Variants in DIAPH2 observed in about 807,000 individuals in gnomAD.
The protein encoded by DIAPH2 is protein diaphanous homolog 2.
In DIAPH2, 35 loss-of-function variants were observed where a neutral mutation model predicts 92.7. That is an observed-to-expected ratio of 0.38 (90% CI 0.29 to 0.50). The LOEUF (loss-of-function observed/expected upper bound fraction) is 0.50. DIAPH2 is among the 20% of genes least tolerant of loss of function. DIAPH2 has a pLI of 0.94. For missense variants in DIAPH2, 701 were observed against 819.5 expected (o/e 0.86, Z 1.77); for synonymous variants, 301 against 280.4 (o/e 1.07, Z -0.73).
intron 4 of DIAPH2, among the ~76,000 whole-genome samples, chrX:96,780,837 C>T (rs773877404): frequency 9.6e-5 from 9 of 93,531 alleles, no homozygotes; most frequent in East Asian, 3.5e-4. Flanking sequence ...GATGAAGTCT[C>T]GCTTTGCACC....
chrX:96,874,513 T>C (rs1010441604), intron 4 of DIAPH2, among the ~76,000 whole-genome samples: 1 of 112,189 alleles, frequency 8.9e-6, no homozygotes, highest in Admixed American at 9.5e-5. Context: ...ACATTATTGA[T>C]ATGAAAAAGA....
intron 22 of DIAPH2, among the ~76,000 whole-genome samples, chrX:97,196,486 C>T (rs6620239): frequency 0.071 from 7,818 of 110,826 alleles, 596 homozygotes; most frequent in African/African-American, 0.22. Context: ...AAACTAATAA[C>T]GGGATTTGTC....
chrX:96,761,392 T>C (rs1381086203), intron 4 of DIAPH2, among the ~76,000 whole-genome samples: 1 of 109,963 alleles, frequency 9.1e-6, no homozygotes, highest in East Asian at 2.8e-4. Flanking sequence ...ATAGTGGTGC[T>C]AGCTACATCT....
intron 17 of DIAPH2, among the ~76,000 whole-genome samples, chrX:97,001,440 C>T (rs943881303): frequency 9.9e-5 from 11 of 111,262 alleles, no homozygotes; most frequent in African/African-American, 3.3e-4. Context: ...GTCAGGAGTT[C>T]AAGACCAGCC....
At chrX:97,039,249 T>C (rs1483742143) in intron 17 of DIAPH2, among the ~76,000 whole-genome samples, 1 of 111,977 alleles carries the variant, frequency 8.9e-6, no homozygotes. Context: ...TTACTCATTT[T>C]TGTTTTACAA....
intron 17 of DIAPH2, among the ~76,000 whole-genome samples, chrX:96,999,748 C>T (rs1210320583): frequency 9.0e-6 from 1 of 110,891 alleles, no homozygotes; most frequent in African/African-American, 3.3e-5. Context: ...GGCTGTGTTC[C>T]CACCCAAATC....
intron 26 of DIAPH2, among the ~76,000 whole-genome samples, chrX:97,473,154 A>G (rs969326633): frequency 1.8e-5 from 2 of 111,409 alleles, no homozygotes; most frequent in African/African-American, 6.5e-5. Flanking sequence ...TTATTTGCCA[A>G]TTTAAAAAAT....
At chrX:97,355,702 G>T (rs1470239409) in intron 24 of DIAPH2, among the ~76,000 whole-genome samples, 1 of 110,984 alleles carries the variant, frequency 9.0e-6, no homozygotes, top group Middle Eastern at 4.3e-3. Context: ...TTCAGAGGGG[G>T]TGTCCTTAGT....
intron 4 of DIAPH2, among the ~76,000 whole-genome samples, chrX:96,875,640 G>A (rs1402946294): frequency 9.0e-6 from 1 of 110,735 alleles, no homozygotes; most frequent in Non-Finnish European, 1.9e-5. Context: ...TCCTGCAATG[G>A]GAAATGACAC....
chrX:96,842,399 C>T (rs1339463697), intron 4 of DIAPH2, among the ~76,000 whole-genome samples: 1 of 111,987 alleles, frequency 8.9e-6, no homozygotes, highest in Non-Finnish European at 1.9e-5. Flanking sequence ...AGGTGCTAGA[C>T]ATCATGCTAG....
At chrX:97,149,457 C>G (rs370352872) in intron 22 of DIAPH2, among the ~76,000 whole-genome samples, 40 of 110,429 alleles carry the variant, frequency 3.6e-4, no homozygotes, top group African/African-American at 1.2e-3. Context: ...TCAGGCCGGG[C>G]GCGGTGGCTC....
chrX:97,071,901 G>C (rs1188114369), intron 17 of DIAPH2, among the ~76,000 whole-genome samples: 2 of 111,959 alleles, frequency 1.8e-5, no homozygotes, highest in African/African-American at 6.5e-5. Context: ...TAAAGCAGCA[G>C]CATGATTATG....
intron 26 of DIAPH2, among the ~76,000 whole-genome samples, chrX:97,525,019 C>T (rs1016746043): frequency 1.8e-5 from 2 of 112,090 alleles, no homozygotes; most frequent in African/African-American, 6.5e-5. Flanking sequence ...AAATCTATTC[C>T]GTTTTTGATT....
chrX:97,190,767 G>A (rs762562628), intron 22 of DIAPH2, among the ~76,000 whole-genome samples: 15 of 106,750 alleles, frequency 1.4e-4, no homozygotes, highest in Admixed American at 6.0e-4. Context: ...CCGGGAGGCG[G>A]AGGTTGCAGT....
chrX:96,770,175 G>A (rs1046792527), intron 4 of DIAPH2, among the ~76,000 whole-genome samples: 3 of 107,103 alleles, frequency 2.8e-5, no homozygotes, highest in African/African-American at 1.0e-4. Flanking sequence ...CCCAGCCTGG[G>A]TGACAGAGCG....
chrX:96,941,874 T>C (rs1282847985), intron 12 of DIAPH2, 144 bp from the exon 13 acceptor site: 1 of 437,000 alleles, frequency 2.3e-6, no homozygotes, highest in Non-Finnish European at 4.0e-6. Flanking sequence ...GGCATGCTTG[T>C]CCTAAGAAAG....
chrX:97,348,263 T>G lies in DIAPH2; in HGVS notation c.2992T>G (p.Phe998Val). Residue 998 changes from phenylalanine to valine, a missense_variant, in exon 24 of 27, where the codon TTC becomes GTC. Physicochemically the swap from Phe to Val is conservative, Grantham distance 50 (BLOSUM62 -1). Around this residue, in one of 3 missense-constraint regions of DIAPH2, gnomAD observed 536 missense variants for 599.3 expected, o/e 0.89. Transcript: ENST00000324765. ...AGAGTTCTTTGGTGATCTCAACAAC[T>G]TCCGAACTTTGTTTTTGGTAAGTAA... ...IEEFFGDLNNFRTLFLEAVRE... is the reference protein window; with the variant it reads ...IEEFFGDLNNVRTLFLEAVRE... 1 of 1,202,853 alleles carries G rather than the reference T, an allele frequency of 8.3e-7. No homozygotes were observed. Among genetic ancestry groups the G allele is most frequent in the Non-Finnish European group, 1.1e-6 (1 of 892,364 alleles).
intron 26 of DIAPH2, among the ~76,000 whole-genome samples, chrX:97,432,635 C>T (rs2070139481): frequency 1.8e-5 from 2 of 111,519 alleles, no homozygotes; most frequent in Admixed American, 9.5e-5. Flanking sequence ...TACAGGTGCC[C>T]GCCACCACGT....
At chrX:97,075,498 C>T (rs1308555796) in intron 19 of DIAPH2, among the ~76,000 whole-genome samples, 2 of 111,898 alleles carry the variant, frequency 1.8e-5, no homozygotes, top group Non-Finnish European at 1.9e-5. Flanking sequence ...TCAGTATAAG[C>T]ATATGCATAT....
Sources: allele counts gnomAD v4.1 joint callset (sites outside exome capture counted in the v4.1 genomes callset), GRCh38; gene constraint gnomAD v4.1.1; regional missense constraint gnomAD v4.1.1; transcripts MANE v1.5; gene names NCBI Gene and HGNC (gene_info 2026-07-23, HGNC 2026-07-21).